Variants in PSMD14 observed in about 807,000 individuals in gnomAD.
The protein encoded by PSMD14 is ubiquitin C-terminal hydrolase PSMD14.
A neutral mutation model predicts 41.2 loss-of-function variants in PSMD14; 7 were observed. That is an observed-to-expected ratio of 0.17 (90% confidence interval 0.10 to 0.32). The LOEUF (loss-of-function observed/expected upper bound fraction) is 0.32, where lower values mean the gene tolerates loss of function less well. Among genes scored for constraint, PSMD14 ranks in the 10% least tolerant of loss-of-function variants. PSMD14 has a pLI of 1.00. For missense variants in PSMD14, 139 were observed against 375.6 expected (o/e 0.37, Z 5.21); for synonymous variants, 114 against 122.3 (o/e 0.93, Z 0.45).
Position 161,351,070 on chromosome 2 carries a change from A to G in PSMD14, c.49-16408A>G, listed in dbSNP as rs3769962. ...TTTAAAATGTGGAATTTATTACTCT[A>G]TTCATTTGTTTGAATATCCTTAATG... On this transcript the variant is annotated intron_variant, in intron 3 of 11. Coordinates refer to ENST00000409682, the MANE Select transcript of PSMD14 (RefSeq NM_005805.6). 7.9e-5 allele frequency among the ~76,000 whole-genome samples: 12 copies of G among 152,196 alleles called. No homozygotes were observed. In the East Asian group the frequency reaches 9.6e-4, roughly 12 times the overall value.
chr2:161,399,715 A>G (rs924670208), intron 10 of PSMD14, among the ~76,000 whole-genome samples: 1 of 152,158 alleles, frequency 6.6e-6, no homozygotes, highest in Non-Finnish European at 1.5e-5. Context: ...AAATAGAAAA[A>G]TATTTTTTCC....
chr2:161,403,504 A>T (rs1333434316), intron 10 of PSMD14, among the ~76,000 whole-genome samples: 1 of 152,176 alleles, frequency 6.6e-6, no homozygotes, highest in Admixed American at 6.5e-5. Context: ...GTACACTTTA[A>T]AATGGTTAAT....
chr2:161,391,944 G>A (rs1683717648), intron 9 of PSMD14, among the ~76,000 whole-genome samples: 2 of 152,166 alleles, frequency 1.3e-5, no homozygotes, highest in South Asian at 2.1e-4. Flanking sequence ...AGAAAACTAA[G>A]CTGAGTCAAA....
chr2:161,386,685 C>T (rs1274942255), intron 8 of PSMD14, among the ~76,000 whole-genome samples: 1 of 151,788 alleles, frequency 6.6e-6, no homozygotes, highest in Non-Finnish European at 1.5e-5. Context: ...TATTATTGGA[C>T]CTGTTTAGCC....
At chr2:161,323,293 G>A (rs576422165) in intron 3 of PSMD14, among the ~76,000 whole-genome samples, 2 of 152,018 alleles carry the variant, frequency 1.3e-5, no homozygotes. Context: ...TTATCATGCT[G>A]TCTTTTCCTG....
At chr2:161,386,729 A>G (rs1683640797) in intron 8 of PSMD14, among the ~76,000 whole-genome samples, 1 of 151,932 alleles carries the variant, frequency 6.6e-6, no homozygotes, top group Admixed American at 6.6e-5. Context: ...CTTCGGTAGC[A>G]TCATACTGCT....
intron 7 of PSMD14, chr2:161,384,573 G>A (rs1488091389): frequency 6.6e-6 from 1 of 151,650 alleles, no homozygotes; most frequent in Non-Finnish European, 1.5e-5. Flanking sequence ...TGATCTTGCT[G>A]TAAGATTGTT....
chr2:161,393,899 T>C (rs1472008025), intron 9 of PSMD14, among the ~76,000 whole-genome samples: 1 of 151,488 alleles, frequency 6.6e-6, no homozygotes, highest in South Asian at 2.1e-4. Context: ...AACATTGAAC[T>C]AAGGTGTTTA....
chr2:161,319,515 T>TTG (rs748719236), intron 3 of PSMD14, among the ~76,000 whole-genome samples: 115 of 152,286 alleles, frequency 7.6e-4, no homozygotes, highest in Non-Finnish European at 1.2e-3. Context: ...TTTGTGCCTC[T>TTG]TGTGAGTTCG....
At chr2:161,353,021 A>G (rs940713361) in intron 3 of PSMD14, among the ~76,000 whole-genome samples, 1 of 152,150 alleles carries the variant, frequency 6.6e-6, no homozygotes, top group African/African-American at 2.4e-5. Flanking sequence ...ATGTCAGATA[A>G]TCAGCTCTTT....
intron 3 of PSMD14, among the ~76,000 whole-genome samples, chr2:161,352,994 T>TG (rs1683141424): frequency 2.0e-5 from 3 of 152,160 alleles, no homozygotes; most frequent in Admixed American, 6.6e-5. Flanking sequence ...TCTCATCCAG[T>TG]GGTGTCCATT....
At position 161,367,484 on chromosome 2, in the gene PSMD14, C is replaced by A; in HGVS notation, c.55C>A (p.Pro19Thr). 1 of 1,593,056 alleles carries A rather than the reference C, an allele frequency of 6.3e-7. No individual in the cohort carries two copies. Among genetic ancestry groups the A allele is most frequent in the South Asian group, 1.1e-5 (1 of 87,540 alleles). Residue 19 changes from proline (P) to threonine (T), a missense_variant, in exon 4 of 12, where the codon CCT (proline) becomes ACT (threonine). Pro to Thr is a conservative substitution (Grantham distance 38). This residue lies in a region of PSMD14 where 24 missense variants were observed against 55.3 expected (regional missense o/e 0.43). Coordinates refer to ENST00000409682, the MANE Select transcript of PSMD14 (RefSeq NM_005805.6). ...GGMPGLGQGP[P>T]TDAPAVDTAE... ...TTGATGTATTTGTTTCTAGGGGCCA[C>A]CTACAGATGCTCCTGCAGTGGACAC...
intron 10 of PSMD14, among the ~76,000 whole-genome samples, chr2:161,401,666 T>C (rs968045395): frequency 3.9e-5 from 6 of 152,222 alleles, no homozygotes; most frequent in Admixed American, 1.3e-4. Context: ...ACATATATGA[T>C]CTTTATTATT....
chr2:161,371,696 A>C (rs1273031845), intron 7 of PSMD14, among the ~76,000 whole-genome samples: 1 of 152,162 alleles, frequency 6.6e-6, no homozygotes, highest in Admixed American at 6.6e-5. Context: ...CAACATTTTA[A>C]AAATCTATTT....
At chr2:161,361,217 GC>G (rs571669201) in intron 3 of PSMD14, among the ~76,000 whole-genome samples, 268 of 152,128 alleles carry the variant, frequency 1.8e-3, no homozygotes, top group African/African-American at 6.1e-3. Flanking sequence ...AGTTTTAAAT[GC>G]TTCCAGTACT....
chr2:161,410,596 C>T (rs573549230), intron 11 of PSMD14, among the ~76,000 whole-genome samples: 85 of 152,054 alleles, frequency 5.6e-4, no homozygotes, highest in African/African-American at 1.9e-3. Context: ...TCCTTTTTAA[C>T]TCAGTCTATT....
intron 8 of PSMD14, among the ~76,000 whole-genome samples, chr2:161,389,886 G>GTTGTTGTTTTTTTTT (rs1330059094): frequency 2.7e-4 from 4 of 14,930 alleles, no homozygotes; most frequent in East Asian, 4.4e-3. Flanking sequence ...TTTCTTTTTT[G>GTTGTTGTTTTTTTTT]TTGTTTTTTT....
intron 3 of PSMD14, chr2:161,341,411 T>A: frequency 1.8e-6 from 1 of 560,660 alleles, no homozygotes; most frequent in Non-Finnish European, 2.3e-6. Flanking sequence ...TTTTATGAGT[T>A]CTTTATATGT....
At chr2:161,375,296 A>T (rs1683488558) in intron 7 of PSMD14, among the ~76,000 whole-genome samples, 1 of 152,064 alleles carries the variant, frequency 6.6e-6, no homozygotes, top group Admixed American at 6.6e-5. Context: ...CCTACATTGC[A>T]TACTGATACA....
Sources: allele counts gnomAD v4.1 joint callset (sites outside exome capture counted in the v4.1 genomes callset), GRCh38; gene constraint gnomAD v4.1.1; regional missense constraint gnomAD v4.1.1; transcripts MANE v1.5; gene names NCBI Gene and HGNC (gene_info 2026-07-23, HGNC 2026-07-21).